MALRD1: variants seen among roughly 807,000 people sequenced by gnomAD.
The protein encoded by MALRD1 is MAM and LDL-receptor class A domain-containing protein 1.
Under a neutral mutation model 242.1 loss-of-function variants are expected in MALRD1, and 247 were observed. That is an observed-to-expected ratio of 1.02 (90% confidence interval 0.92 to 1.13). The LOEUF is 1.13. MALRD1 is among the 50% of genes most tolerant of loss of function. The pLI is 0.00. For missense variants in MALRD1, 2,989 were observed against 2,533.1 expected (o/e 1.18, Z -3.86); for synonymous variants, 995 against 866.6 (o/e 1.15, Z -2.60).
intron 26 of MALRD1, among the ~76,000 whole-genome samples, chr10:19,371,513 T>A (rs1845377227): frequency 6.6e-6 from 1 of 152,208 alleles, no homozygotes; most frequent in South Asian, 2.1e-4. Flanking sequence ...TTTTCTTTTT[T>A]ACTTTTATAT....
At chr10:19,203,486 A>G (rs1836641772) in intron 14 of MALRD1, among the ~76,000 whole-genome samples, 1 of 152,214 alleles carries the variant, frequency 6.6e-6, no homozygotes, top group Non-Finnish European at 1.5e-5. Context: ...GTTTCTCAGA[A>G]TATTCGGAAA....
In MALRD1 at chr10:19,348,021, A is replaced by C; in HGVS notation, c.4149+3A>C. 1 of 1,548,440 alleles carries C rather than the reference A, an allele frequency of 6.5e-7. No homozygotes were observed. Among genetic ancestry groups the C allele is most frequent in the Non-Finnish European group, 8.7e-7 (1 of 1,145,724 alleles). On this transcript the variant is annotated splice_donor_region_variant and intron_variant, in intron 25 of 39. Coordinates refer to ENST00000454679, the MANE Select transcript of MALRD1 (RefSeq NM_001142308.3). ...GTAAGAGAAGCAAAAACTGCAAGGTATGGGGAAAATCGAACCAACCAACCA... is the reference window on the plus strand; with the variant it reads ...GTAAGAGAAGCAAAAACTGCAAGGTCTGGGGAAAATCGAACCAACCAACCA...
At chr10:19,259,410 A>C (rs1839650755) in intron 19 of MALRD1, among the ~76,000 whole-genome samples, 1 of 152,174 alleles carries the variant, frequency 6.6e-6, no homozygotes, top group South Asian at 2.1e-4. Context: ...ACTGACTCAC[A>C]GTTCTACATG....
intron 13 of MALRD1, 132 bp from the exon 14 acceptor site, chr10:19,175,076 C>A: frequency 1.8e-6 from 1 of 563,774 alleles, no homozygotes; most frequent in Non-Finnish European, 2.6e-6. Flanking sequence ...ATGTTCTGGT[C>A]AGAACAGTTT....
intron 23 of MALRD1, among the ~76,000 whole-genome samples, chr10:19,329,208 C>T (rs555103757): frequency 1.3e-5 from 2 of 152,268 alleles, no homozygotes; most frequent in South Asian, 2.1e-4. Flanking sequence ...GCACTTACTA[C>T]GTGCAAAGCA....
chr10:19,729,684 G>A (rs988067636), intron 38 of MALRD1, among the ~76,000 whole-genome samples: 11 of 132,990 alleles, frequency 8.3e-5, no homozygotes, highest in Non-Finnish European at 1.7e-4. Flanking sequence ...TCACCAAGTA[G>A]TCCAGGGCTG....
chr10:19,456,279 T>A (rs895972236), intron 29 of MALRD1, among the ~76,000 whole-genome samples: 2 of 152,206 alleles, frequency 1.3e-5, no homozygotes, highest in South Asian at 2.1e-4. Flanking sequence ...TAATTTCAGA[T>A]GTCTTAGGTG....
At chr10:19,719,226 A>ATC (rs2131900052) in intron 38 of MALRD1, among the ~76,000 whole-genome samples, 1 of 25,702 alleles carries the variant, frequency 3.9e-5, no homozygotes, top group South Asian at 1.6e-3. Context: ...ATACATACAT[A>ATC]TATATATATA....
chr10:19,390,199 C>T (rs1846279397), intron 28 of MALRD1, among the ~76,000 whole-genome samples: 1 of 152,156 alleles, frequency 6.6e-6, no homozygotes, highest in African/African-American at 2.4e-5. Context: ...TTAGTTGTTT[C>T]CTTCCCTTTC....
At chr10:19,396,539 A>G (rs1363738697) in intron 28 of MALRD1, among the ~76,000 whole-genome samples, 2 of 152,240 alleles carry the variant, frequency 1.3e-5, no homozygotes, top group African/African-American at 4.8e-5. Context: ...TTTACAGACC[A>G]CAAAATGAAG....
intron 21 of MALRD1, among the ~76,000 whole-genome samples, chr10:19,298,474 A>G (rs1039412018): frequency 6.6e-6 from 1 of 152,008 alleles, no homozygotes; most frequent in African/African-American, 2.4e-5. Flanking sequence ...AAACAAGGGG[A>G]AACAAAGGGA....
chr10:19,459,811 T>G (rs1039681139), intron 29 of MALRD1, among the ~76,000 whole-genome samples: 2 of 151,052 alleles, frequency 1.3e-5, no homozygotes, highest in Middle Eastern at 3.5e-3. Flanking sequence ...ATTAATATAA[T>G]TATATTTAAT....
At position 19,109,952 on chromosome 10, in the gene MALRD1, T is replaced by C. The variant is rs561277006; in HGVS notation, c.694+5877T>C. Reference sequence around the variant, plus strand: ...ATGGGGGATGCTGGGGGCCTCCTGCTTACCTTTTCTTTGCAATGGTAATTA... The same window carrying C: ...ATGGGGGATGCTGGGGGCCTCCTGCCTACCTTTTCTTTGCAATGGTAATTA... On this transcript the variant is annotated intron_variant, in intron 5 of 39. Coordinates refer to ENST00000454679, the MANE Select transcript of MALRD1 (RefSeq NM_001142308.3). Among the ~76,000 whole-genome samples, 4 of 152,328 alleles carry C rather than the reference T, an allele frequency of 2.6e-5. No homozygotes were observed. In the East Asian group the frequency reaches 5.8e-4, roughly 22 times the overall value.
At chr10:19,723,671 G>A (rs1834879371) in intron 38 of MALRD1, among the ~76,000 whole-genome samples, 1 of 151,622 alleles carries the variant, frequency 6.6e-6, no homozygotes, top group Non-Finnish European at 1.5e-5. Context: ...GGGCCCAGGA[G>A]TTCAAGGCTG....
At chr10:19,188,614 T>C (rs1322713755) in intron 14 of MALRD1, among the ~76,000 whole-genome samples, 1 of 152,202 alleles carries the variant, frequency 6.6e-6, no homozygotes, top group Non-Finnish European at 1.5e-5. Context: ...TATTTCTCAG[T>C]CTACGGAGCT....
At chr10:19,523,610 G>A (rs1026554870) in intron 31 of MALRD1, among the ~76,000 whole-genome samples, 7 of 152,220 alleles carry the variant, frequency 4.6e-5, no homozygotes, top group South Asian at 2.1e-4. Flanking sequence ...GTTTTTCAGG[G>A]TTCTTTGAAT....
chr10:19,105,786 C>A (rs1303409774), intron 5 of MALRD1, among the ~76,000 whole-genome samples: 2 of 151,844 alleles, frequency 1.3e-5, no homozygotes, highest in African/African-American at 4.8e-5. Flanking sequence ...ATGAATGATG[C>A]TGATAATTTT....
intron 28 of MALRD1, among the ~76,000 whole-genome samples, chr10:19,419,414 C>T (rs536069195): frequency 1.3e-5 from 2 of 152,302 alleles, no homozygotes; most frequent in East Asian, 1.9e-4. Flanking sequence ...CCTGTATCAG[C>T]CCCCTGAGTA....
chr10:19,458,308 C>T (rs1169225957), intron 29 of MALRD1, among the ~76,000 whole-genome samples: 1 of 152,102 alleles, frequency 6.6e-6, no homozygotes, highest in Non-Finnish European at 1.5e-5. Flanking sequence ...TTAAAAATAG[C>T]TTGTTATAAT....
Sources: gnomAD v4.1 joint callset for allele counts (sites outside exome capture counted in the v4.1 genomes callset) on GRCh38, gnomAD v4.1.1 for gene constraint, MANE v1.5 for transcripts, NCBI Gene and HGNC (gene_info 2026-07-23, HGNC 2026-07-21) for gene names.